PPP2R3A: variants seen among roughly 807,000 people sequenced by gnomAD.
The protein encoded by PPP2R3A is serine/threonine-protein phosphatase 2A regulatory subunit B'' subunit alpha.
Under a neutral mutation model 106.9 loss-of-function variants are expected in PPP2R3A, and 80 were observed. The ratio of observed to expected loss-of-function variants is 0.75; its 90% CI spans 0.62 to 0.90. The LOEUF (loss-of-function observed/expected upper bound fraction) is 0.90. Ranked by LOEUF, PPP2R3A falls within the 40% of genes least tolerant of loss-of-function variation. The probability of loss-of-function intolerance (pLI) is 0.00; values close to 1 mark genes in which losing one functional copy is unlikely to be tolerated. For synonymous variants in PPP2R3A, 483 were observed against 468.3 expected (o/e 1.03, Z -0.41); for missense variants, 1,386 against 1,350.4 (o/e 1.03, Z -0.41).
intron 1 of PPP2R3A, among the ~76,000 whole-genome samples, chr3:135,993,752 C>G (rs1395219260): frequency 4.6e-5 from 7 of 152,188 alleles, no homozygotes; most frequent in Non-Finnish European, 8.8e-5. Context: ...GAATACTACT[C>G]AGCAGTGTAA....
intron 5 of PPP2R3A, among the ~76,000 whole-genome samples, chr3:136,063,192 T>C (rs1259395200): frequency 6.6e-6 from 1 of 152,150 alleles, no homozygotes; most frequent in Non-Finnish European, 1.5e-5. Flanking sequence ...ATTTAATAAA[T>C]GGTGCTGGGA....
At chr3:136,009,227 C>T (rs2107798753) in intron 2 of PPP2R3A, among the ~76,000 whole-genome samples, 1 of 152,186 alleles carries the variant, frequency 6.6e-6, no homozygotes, top group Middle Eastern at 3.4e-3. Flanking sequence ...CCCCCTATCC[C>T]ACTGGGCCTG....
intron 13 of PPP2R3A, among the ~76,000 whole-genome samples, chr3:136,144,020 A>G (rs1938994390): frequency 6.6e-6 from 1 of 152,238 alleles, no homozygotes; most frequent in Non-Finnish European, 1.5e-5. Context: ...TTTCTGATGT[A>G]CATATCTACA....
At chr3:136,010,185 C>T (rs1006445384) in intron 2 of PPP2R3A, among the ~76,000 whole-genome samples, 1 of 151,906 alleles carries the variant, frequency 6.6e-6, no homozygotes, top group Admixed American at 6.6e-5. Context: ...TAAATATCTT[C>T]TCCCTTTCCT....
intron 13 of PPP2R3A, among the ~76,000 whole-genome samples, chr3:136,117,645 C>A (rs1486195719): frequency 6.6e-6 from 1 of 152,176 alleles, no homozygotes; most frequent in Admixed American, 6.6e-5. Context: ...TGGATAAATT[C>A]CTGGACACAT....
chr3:136,034,281 G>A (rs1005594673), intron 3 of PPP2R3A, among the ~76,000 whole-genome samples: 5 of 151,912 alleles, frequency 3.3e-5, no homozygotes, highest in Admixed American at 1.3e-4. Flanking sequence ...ATGAACCACC[G>A]ACCTCGGCCT....
chr3:136,062,268 GAC>G (rs1197017315), intron 5 of PPP2R3A, among the ~76,000 whole-genome samples: 1 of 152,144 alleles, frequency 6.6e-6, no homozygotes, highest in Non-Finnish European at 1.5e-5. Context: ...TGAGACCTAA[GAC>G]ACAGTGGATT....
intron 1 of PPP2R3A, among the ~76,000 whole-genome samples, chr3:135,983,527 A>G (rs934888281): frequency 6.6e-6 from 1 of 152,160 alleles, no homozygotes; most frequent in African/African-American, 2.4e-5. Flanking sequence ...TTTTCAGTGC[A>G]TTTTTGCTTT....
chr3:135,998,177 CCT>C (rs1441906370), intron 1 of PPP2R3A, among the ~76,000 whole-genome samples: 7 of 152,198 alleles, frequency 4.6e-5, no homozygotes, highest in Non-Finnish European at 1.0e-4. Context: ...CAGTGTTCTG[CCT>C]CTCTGCCTTC....
intron 2 of PPP2R3A, among the ~76,000 whole-genome samples, chr3:136,004,359 G>T (rs550909160): frequency 8.9e-4 from 136 of 152,254 alleles, no homozygotes; most frequent in African/African-American, 2.9e-3. Context: ...TCTGATGGAG[G>T]CTCCATGTTC....
At chr3:136,122,608 G>A (rs972647491) in intron 13 of PPP2R3A, among the ~76,000 whole-genome samples, 2 of 152,152 alleles carry the variant, frequency 1.3e-5, no homozygotes, top group Admixed American at 6.5e-5. Context: ...ATATTAGGAA[G>A]AAATCAAACA....
chr3:136,128,464 GCTAA>G (rs1271388636), intron 13 of PPP2R3A, among the ~76,000 whole-genome samples: 1 of 152,010 alleles, frequency 6.6e-6, no homozygotes, highest in African/African-American at 2.4e-5. Flanking sequence ...AACAAGAAGA[GCTAA>G]CTATCCTAAA....
chr3:136,146,513 A>G lies in PPP2R3A; in HGVS notation c.*1347A>G, dbSNP rs942330103. ...TTAGAGTTATGGTAGGCAAAAAGAA[A>G]AGGAGAATTTAGGAAATAAATATGC... On this transcript the variant is annotated 3_prime_UTR_variant, in exon 14 of 14. Coordinates refer to ENST00000264977, the MANE Select transcript of PPP2R3A (RefSeq NM_002718.5). 6.6e-6 allele frequency: 1 copy of G among 152,196 alleles called. No homozygotes were observed. The highest frequency in any genetic ancestry group is 1.9e-4 in the East Asian group (1 of 5,202). The allele number at this position is 152,196 out of a possible 1,614,324, so 9.4% of individuals were successfully genotyped here.
At chr3:136,010,417 A>AT (rs56962010) in intron 2 of PPP2R3A, among the ~76,000 whole-genome samples, 10,958 of 50,986 alleles carry the variant, frequency 0.21, 3,779 homozygotes, top group African/African-American at 0.42. Flanking sequence ...CGCTCGGCTA[A>AT]TTTTTTTTTT....
At chr3:135,980,522 C>T (rs979652333) in intron 1 of PPP2R3A, among the ~76,000 whole-genome samples, 6 of 151,586 alleles carry the variant, frequency 4.0e-5, no homozygotes, top group African/African-American at 1.2e-4. Flanking sequence ...TACTTTTGCA[C>T]TGGGCAGCTT....
At chr3:136,016,344 G>A (rs903960628) in intron 2 of PPP2R3A, among the ~76,000 whole-genome samples, 28 of 151,878 alleles carry the variant, frequency 1.8e-4, no homozygotes, top group African/African-American at 6.5e-4. Context: ...TTTGTTCTAG[G>A]GTATAGTTTA....
At chr3:135,969,317 A>C (rs1238891321) in intron 1 of PPP2R3A, among the ~76,000 whole-genome samples, 1 of 152,186 alleles carries the variant, frequency 6.6e-6, no homozygotes, top group African/African-American at 2.4e-5. Context: ...AGAGAAGTAC[A>C]TATATTCATG....
At chr3:136,013,570 ATTGTGGTT>A (rs1934167490) in intron 2 of PPP2R3A, among the ~76,000 whole-genome samples, 1 of 151,974 alleles carries the variant, frequency 6.6e-6, no homozygotes, top group African/African-American at 2.4e-5. Context: ...GTGGTATCGC[ATTGTGGTT>A]TTGATTTGCA....
chr3:135,988,979 A>AT (rs1559853862), intron 1 of PPP2R3A, among the ~76,000 whole-genome samples: 1 of 152,124 alleles, frequency 6.6e-6, no homozygotes, highest in Non-Finnish European at 1.5e-5. Context: ...GTATCTCTCC[A>AT]TTATATATTT....
Sources: gnomAD v4.1 joint callset for allele counts (sites outside exome capture counted in the v4.1 genomes callset) on GRCh38, gnomAD v4.1.1 for gene constraint, MANE v1.5 for transcripts, NCBI Gene and HGNC (gene_info 2026-07-23, HGNC 2026-07-21) for gene names.